The following ZNF138 variants were observed in gnomAD, a reference collection of about 807,000 sequenced individuals.
ZNF138 encodes zinc finger protein 138, also known as zinc finger protein 138 (clone pHZ-32).
A neutral mutation model predicts 33.0 loss-of-function variants in ZNF138; 33 were observed. The observed-to-expected ratio is 1.00, with a 90% confidence interval of 0.76 to 1.34. The LOEUF (loss-of-function observed/expected upper bound fraction) is 1.34, where lower values mean the gene tolerates loss of function less well. Among genes scored for constraint, ZNF138 ranks in the 40% most tolerant of loss-of-function variants. ZNF138 has a pLI of 0.00. For synonymous variants in ZNF138, 139 were observed against 120.4 expected, an observed-to-expected ratio of 1.15 and a Z score of -1.01; for missense variants, 360 against 370.8, an observed-to-expected ratio of 0.97 and a Z score of 0.24.
intron 1 of ZNF138, among the ~76,000 whole-genome samples, chr7:64,798,760 A>C (rs1469321595): frequency 6.6e-6 from 1 of 150,434 alleles, no homozygotes; most frequent in Non-Finnish European, 1.5e-5. Context: ...CCTGGGCAAC[A>C]AGAGTGAAAC....
At chr7:64,818,703 T>G (rs1389630086) in intron 3 of ZNF138, among the ~76,000 whole-genome samples, 1 of 137,572 alleles carries the variant, frequency 7.3e-6, no homozygotes, top group Non-Finnish European at 1.6e-5. Flanking sequence ...TGAGCCGAGA[T>G]CATGCCTCTG....
At chr7:64,853,055 A>G in the ZNF138 span, 33 of 1,461,378 alleles carry the variant, frequency 2.3e-5, no homozygotes, top group African/African-American at 6.9e-5. Flanking sequence ...GGCACATGCT[A>G]TCCTGCCTGT....
At chr7:64,815,532 G>A in intron 2 of ZNF138, 44 bp from the exon 3 acceptor site, 2 of 1,554,144 alleles carry the variant, frequency 1.3e-6, no homozygotes, top group South Asian at 2.3e-5. Context: ...CCAGAGTCAT[G>A]TTACTTATTT....
chr7:64,844,672 T>TTTTG, the ZNF138 span, among the ~76,000 whole-genome samples: 38,393 of 150,236 alleles, frequency 0.26, 5,403 homozygotes, highest in Non-Finnish European at 0.31. Context: ...TTTATGTGTT[T>TTTTG]TTTTGTTTTG....
chr7:64,821,699 A>G, intron 3 of ZNF138, among the ~76,000 whole-genome samples: 1 of 151,070 alleles, frequency 6.6e-6, no homozygotes, highest in Admixed American at 6.6e-5. Flanking sequence ...GGCAGGTGCC[A>G]CCACGCCTGG....
intron 1 of ZNF138, among the ~76,000 whole-genome samples, chr7:64,803,566 C>T (rs938495511): frequency 2.0e-5 from 3 of 152,110 alleles, no homozygotes; most frequent in Non-Finnish European, 4.4e-5. Context: ...GAACAATTAG[C>T]ATAGTTATGT....
At chr7:64,815,418 G>C (rs1457479480) in intron 2 of ZNF138, among the ~76,000 whole-genome samples, 158 bp from the exon 3 acceptor site, 1 of 152,106 alleles carries the variant, frequency 6.6e-6, no homozygotes, top group East Asian at 1.9e-4. Context: ...TAAATATTTA[G>C]AATTTTCTGT....
chr7:64,836,267 C>T (rs554568498), downstream of ZNF138: 17 of 152,238 alleles, frequency 1.1e-4, no homozygotes, highest in East Asian at 1.2e-3. Flanking sequence ...GGAGGTCTTC[C>T]GAGGGCTGCA....
At chr7:64,815,524 A>G (rs745748139) in intron 2 of ZNF138, 52 bp from the exon 3 acceptor site, 142 of 1,532,472 alleles carry the variant, frequency 9.3e-5, no homozygotes, top group Middle Eastern at 3.4e-4. Context: ...AATATGAGCC[A>G]GAGTCATGTT....
chr7:64,841,782 G>T, the ZNF138 span, among the ~76,000 whole-genome samples: 1 of 152,126 alleles, frequency 6.6e-6, no homozygotes, highest in Non-Finnish European at 1.5e-5. Flanking sequence ...GAGAAAGTTG[G>T]TATTTTTAAT....
intron 1 of ZNF138, among the ~76,000 whole-genome samples, chr7:64,812,318 C>T (rs910477455): frequency 3.3e-5 from 5 of 152,014 alleles, no homozygotes; most frequent in Admixed American, 6.6e-5. Context: ...ACCACACGCC[C>T]GGCTAATTTT....
At chr7:64,841,160 G>A in the ZNF138 span, among the ~76,000 whole-genome samples, 2 of 151,980 alleles carry the variant, frequency 1.3e-5, no homozygotes, top group African/African-American at 2.4e-5. Context: ...TTCATTACGT[G>A]AGCTGGTCAT....
chr7:64,805,457 G>A (rs1309518801), intron 1 of ZNF138, among the ~76,000 whole-genome samples: 1 of 151,552 alleles, frequency 6.6e-6, no homozygotes, highest in Non-Finnish European at 1.5e-5. Flanking sequence ...TTCCATTACT[G>A]TGAAGGTGCA....
rs1790092539 is a variant in ZNF138, at chr7:64,831,661, A to G, written c.419A>G (p.Gln140Arg). 1 of 1,608,516 alleles carries G rather than the reference A, an allele frequency of 6.2e-7. No homozygotes were observed. Among genetic ancestry groups the G allele is most frequent in the Admixed American group, 1.7e-5 (1 of 58,912 alleles). ...AAAATTACCACAAGCAAAATATTTC[A>G]ATGTAATAAATATGTAAAAGTCATG... ...CLKITTSKIF[Q>R]CNKYVKVMHK... Residue 140 changes from glutamine to arginine, a missense_variant, in exon 4 of 4, where the codon CAA (glutamine) becomes CGA (arginine). Transcript: ENST00000307355.
intron 3 of ZNF138, among the ~76,000 whole-genome samples, chr7:64,819,882 G>A (rs1006444050): frequency 6.6e-6 from 1 of 151,012 alleles, no homozygotes; most frequent in Non-Finnish European, 1.5e-5. Context: ...AGACCAGCCC[G>A]GGAAACATGG....
At chr7:64,836,661 T>G (rs1790374849), downstream of ZNF138, 1 of 152,206 alleles carries the variant, frequency 6.6e-6, no homozygotes, top group South Asian at 2.1e-4. Context: ...CAGTACGAAT[T>G]AATGCCTCAT....
chr7:64,836,415 G>A (rs7790203), downstream of ZNF138: 92,718 of 151,890 alleles, frequency 0.61, 28,619 homozygotes, highest in East Asian at 0.7. Flanking sequence ...GCTCTTTCTC[G>A]GCTGACTGGA....
At chr7:64,797,047 C>G (rs1208592439) in intron 1 of ZNF138, among the ~76,000 whole-genome samples, 1 of 151,290 alleles carries the variant, frequency 6.6e-6, no homozygotes, top group African/African-American at 2.4e-5. Flanking sequence ...GAGACTCCAT[C>G]TCAAGAAAAA....
intron 3 of ZNF138, among the ~76,000 whole-genome samples, chr7:64,820,051 T>G (rs1788988218): frequency 5.4e-5 from 1 of 18,376 alleles, no homozygotes; most frequent in Non-Finnish European, 9.5e-5. Context: ...CCAGCTCAGG[T>G]GACAGAGTGA....
Sources: allele counts gnomAD v4.1 joint callset (sites outside exome capture counted in the v4.1 genomes callset), GRCh38; gene constraint gnomAD v4.1.1; transcripts MANE v1.5; gene names NCBI Gene and HGNC (gene_info 2026-07-23, HGNC 2026-07-21).